Variants in PATJ observed in about 807,000 individuals in gnomAD.
The protein encoded by PATJ is inaD-like protein.
A neutral mutation model predicts 224.9 loss-of-function variants in PATJ; 190 were observed. That is an observed-to-expected ratio of 0.84 (90% CI 0.75 to 0.95). PATJ has a LOEUF of 0.95. Among genes scored for constraint, PATJ ranks in the 40% least tolerant of loss-of-function variants. PATJ has a pLI of 0.00. For synonymous variants in PATJ, 769 were observed against 820.3 expected (o/e 0.94, Z 1.07); for missense variants, 2,121 against 2,270.3 (o/e 0.93, Z 1.34).
chr1:61,990,868 T>C (rs972350065), intron 28 of PATJ, among the ~76,000 whole-genome samples: 2 of 152,188 alleles, frequency 1.3e-5, no homozygotes, highest in Non-Finnish European at 2.9e-5. Flanking sequence ...TCTTTAGGAA[T>C]AGAATAGACA....
intron 27 of PATJ, among the ~76,000 whole-genome samples, chr1:61,972,815 G>C (rs1426181344): frequency 6.6e-6 from 1 of 152,018 alleles, no homozygotes; most frequent in Non-Finnish European, 1.5e-5. Context: ...AGGTCAACAG[G>C]TACAGTGTGG....
chr1:62,060,957 G>T (rs1210143854), intron 31 of PATJ, among the ~76,000 whole-genome samples: 1 of 152,114 alleles, frequency 6.6e-6, no homozygotes, highest in Non-Finnish European at 1.5e-5. Context: ...CTCCCAAAGT[G>T]CTGGGATTAC....
chr1:61,790,147 T>G (rs1649472914), intron 8 of PATJ, among the ~76,000 whole-genome samples: 1 of 141,136 alleles, frequency 7.1e-6, no homozygotes, highest in East Asian at 2.0e-4. Context: ...GAGGTTGCAA[T>G]AAGCTGTGAT....
rs200802733 is a variant in PATJ at position 61,791,371 on chromosome 1, T to C, written c.1092T>C (p.Tyr364=). 177 of 1,611,750 alleles carry C rather than the reference T, an allele frequency of 1.1e-4. 1 individual carries two copies. Among genetic ancestry groups the C allele is most frequent in the South Asian group, 1.1e-3 (98 of 90,970 alleles). Residue 364 remains tyrosine (Y), a synonymous_variant, in exon 9 of 44, where the codon TAT becomes TAC. Transcript: ENST00000642238. ...PGSDSSLFET[Y]NVELVRKDGQ... The stretch of plus-strand genomic sequence containing the variant: ...AGGACAGTTCTCTTTTTGAAACTTA[T>C]AATGTTGAGCTTGTGAGAAAAGATG...
At chr1:62,103,816 A>C (rs1662537420) in intron 33 of PATJ, among the ~76,000 whole-genome samples, 1 of 152,126 alleles carries the variant, frequency 6.6e-6, no homozygotes, top group Non-Finnish European at 1.5e-5. Context: ...CTGTACGTAA[A>C]GCCTTATTGG....
At chr1:61,921,004 C>T (rs1244012796) in intron 26 of PATJ, among the ~76,000 whole-genome samples, 1 of 152,136 alleles carries the variant, frequency 6.6e-6, no homozygotes, top group African/African-American at 2.4e-5. Flanking sequence ...CCGCACCTGG[C>T]CTCTTGTATG....
intron 27 of PATJ, among the ~76,000 whole-genome samples, chr1:61,942,613 C>T (rs1388818979): frequency 3.3e-5 from 5 of 151,254 alleles, no homozygotes; most frequent in African/African-American, 4.9e-5. Context: ...TACAGGGGCA[C>T]GATCTCAGCT....
chr1:62,035,450 A>G (rs541555618), intron 29 of PATJ, among the ~76,000 whole-genome samples: 1 of 152,306 alleles, frequency 6.6e-6, no homozygotes, highest in East Asian at 1.9e-4. Context: ...TTAATAGTTA[A>G]GCTACTTACT....
rs191627779 is a variant in PATJ at position 62,105,894 on chromosome 1, A to G, written c.4378-2543A>G. ...TGCTTCTCTATTGTGGAATTTGTAT[A>G]GAAGCCCTTTTTTTGTTTTTCTGTT... is the stretch of plus-strand genomic sequence containing the variant. On this transcript the variant is annotated intron_variant, in intron 33 of 43. Coordinates refer to ENST00000642238, the MANE Select transcript of PATJ (RefSeq NM_001350145.3). Among the ~76,000 whole-genome samples the G allele has an allele frequency of 2.8e-3, 418 of 151,214 alleles. 4 individuals carry two copies. Among genetic ancestry groups the G allele is most frequent in the South Asian group, 0.018 (87 of 4,762 alleles).
At chr1:61,933,609 G>A (rs1482789215) in intron 27 of PATJ, among the ~76,000 whole-genome samples, 1 of 151,356 alleles carries the variant, frequency 6.6e-6, no homozygotes, top group Non-Finnish European at 1.5e-5. Context: ...TCAGTTGACT[G>A]TTATGTGGTG....
At chr1:61,922,655 G>T (rs1402847126) in intron 26 of PATJ, among the ~76,000 whole-genome samples, 2 of 149,580 alleles carry the variant, frequency 1.3e-5, no homozygotes, top group Admixed American at 1.3e-4. Context: ...TCAGTCACAT[G>T]TCACAAAAGC....
intron 27 of PATJ, among the ~76,000 whole-genome samples, chr1:61,940,738 A>AAAAAG (rs1486427465): frequency 6.6e-6 from 1 of 151,494 alleles, no homozygotes; most frequent in African/African-American, 2.4e-5. Context: ...AAAAAAAGAG[A>AAAAAG]AAAAGAAAAG....
chr1:61,893,625 A>AC (rs1332290844), intron 22 of PATJ, among the ~76,000 whole-genome samples: 1 of 150,908 alleles, frequency 6.6e-6, no homozygotes, highest in African/African-American at 2.4e-5. Flanking sequence ...ACATAATGAG[A>AC]CCCCGTATCT....
chr1:62,110,037 G>A (rs192228598), intron 34 of PATJ, among the ~76,000 whole-genome samples: 20 of 152,310 alleles, frequency 1.3e-4, no homozygotes, highest in African/African-American at 4.6e-4. Context: ...TTTATTTTAA[G>A]TGAGAGGAGA....
At chr1:62,133,350 G>A (rs7535956) in intron 41 of PATJ, among the ~76,000 whole-genome samples, 62,320 of 152,040 alleles carry the variant, frequency 0.41, 14,628 homozygotes, top group Non-Finnish European at 0.54. Context: ...GGGAGGCCAA[G>A]GCAGGTGGAT....
chr1:61,763,103 T>C lies in PATJ; in HGVS notation c.113T>C (p.Phe38Ser). 1 of 1,611,040 alleles carries C rather than the reference T, an allele frequency of 6.2e-7. No homozygotes were observed. The highest frequency in any genetic ancestry group is 8.5e-7 in the Non-Finnish European group (1 of 1,178,024). The change falls in exon 3 of 44, where the codon TTT (phenylalanine) becomes TCT (serine). Residue 38 changes from phenylalanine to serine, a missense_variant. Coordinates refer to ENST00000642238, the MANE Select transcript of PATJ (RefSeq NM_001350145.3). ...TCGCAGAATGAGAAGTTATCTATGT[T>C]TTATGAGACACTAAAGAGTCCTCTC... Reference protein sequence around the residue: ...DTSQNEKLSMFYETLKSPLFN... With the variant: ...DTSQNEKLSMSYETLKSPLFN...
intron 28 of PATJ, chr1:62,013,464 T>A: frequency 1.0e-6 from 1 of 985,432 alleles, no homozygotes; most frequent in South Asian, 4.7e-5. Flanking sequence ...AAGCTATGCA[T>A]GAAAAGCTGG....
chr1:62,000,360 A>T (rs1386449922), intron 28 of PATJ, among the ~76,000 whole-genome samples: 1 of 62,896 alleles, frequency 1.6e-5, no homozygotes, highest in Admixed American at 2.5e-4. Context: ...CCCCCACCCC[A>T]CAACAGTCCC....
rs1570173631 is a variant in PATJ at position 61,743,633 on chromosome 1, A to G, written c.-36+1078A>G. Among the ~76,000 whole-genome samples, 4 of 152,312 alleles carry G rather than the reference A, an allele frequency of 2.6e-5. 1 individual carries two copies. Among genetic ancestry groups the G allele is most frequent in the Admixed American group, 2.6e-4 (4 of 15,288 alleles). ...GCTGCAAATTAATTTGCACACATCT[A>G]TTTGAAAGGAGTGGAGGCAGGGGCA... On this transcript the variant is annotated intron_variant, in intron 1 of 43. Transcript: ENST00000642238.
Sources: allele counts gnomAD v4.1 joint callset (sites outside exome capture counted in the v4.1 genomes callset), GRCh38; gene constraint gnomAD v4.1.1; transcripts MANE v1.5; gene names NCBI Gene and HGNC (gene_info 2026-07-23, HGNC 2026-07-21).